Variants in WSCD1 observed in about 807,000 individuals in gnomAD.
WSCD1 encodes the protein WSC domain sialate O sulfotransferase 1, also known as sialate:O-sulfotransferase 1.
WSCD1 carries 41 observed loss-of-function variants against 60.4 expected under a neutral mutation model. The ratio of observed to expected loss-of-function variants is 0.68; its 90% CI spans 0.53 to 0.88. The LOEUF is 0.88. Ranked by LOEUF, WSCD1 falls within the 40% of genes least tolerant of loss-of-function variation. The pLI is 0.00. For missense variants in WSCD1, 784 were observed against 796.2 expected, an observed-to-expected ratio of 0.98 and a Z score of 0.18; for synonymous variants, 361 against 332.5, an observed-to-expected ratio of 1.09 and a Z score of -0.93.
chr17:6,080,343 A>G lies in WSCD1; in HGVS notation c.-288-28A>G, dbSNP rs1404297834. 5.1e-6 allele frequency: 2 copies of G among 395,952 alleles called. No homozygotes were observed. The highest frequency in any genetic ancestry group is 3.0e-5 in the South Asian group (1 of 33,514). The allele number at this position is 395,952 out of a possible 1,614,324, so 24.5% of individuals were successfully genotyped here. ...GCCAGGTAGTGGACCCGCCTATTAC[A>G]TCTCGGTGCTCTTTCTCCACCTTCC... On this transcript the variant is annotated intron_variant, in intron 1 of 8. Coordinates refer to ENST00000317744, the MANE Select transcript of WSCD1 (RefSeq NM_015253.2). The surrounding 1 kb of genome is among the most constrained non-coding windows in gnomAD (Gnocchi z 6.6).
At chr17:6,094,444 G>A (rs971995497) in intron 4 of WSCD1, among the ~76,000 whole-genome samples, 6 of 152,070 alleles carry the variant, frequency 3.9e-5, no homozygotes, top group Admixed American at 6.5e-5. Flanking sequence ...TGCATCTTCC[G>A]GTAGGACATT....
Position 6,120,424 on chromosome 17 carries a change from G to T in WSCD1, c.1491G>T (p.Leu497=). The T allele has an allele frequency of 1.2e-6, 2 of 1,614,108 alleles. No homozygotes were observed. The highest frequency in any genetic ancestry group is 2.2e-5 in the South Asian group (2 of 91,090). Residue 497 remains leucine, a synonymous_variant, in exon 9 of 9, where the codon CTG becomes CTT. Transcript: ENST00000317744. ...VVHYEELRRS[L]VPTLREMVAF... ...ACTACGAGGAGCTGCGGCGCAGCCTGGTGCCCACGTTACGGGAGATGGTGG... is the reference window on the plus strand; with the variant it reads ...ACTACGAGGAGCTGCGGCGCAGCCTTGTGCCCACGTTACGGGAGATGGTGG...
Position 6,110,662 on chromosome 17 carries a change from A to G in WSCD1, c.1010-109A>G. On this transcript the variant is annotated intron_variant, in intron 6 of 8. Coordinates refer to ENST00000317744, the MANE Select transcript of WSCD1 (RefSeq NM_015253.2). This position sits in a 1 kb window ranked among gnomAD's most constrained non-coding sequence, Gnocchi z 4.8. ...CCCTTCTTTGGGCCTTGGTTCCCCC[A>G]TCTATTAAATGGGAGTCTTCGTTCA... is the stretch of plus-strand genomic sequence containing the variant. The G allele has an allele frequency of 2.2e-6, 3 of 1,387,502 alleles. 1 individual carries two copies. In the South Asian group the frequency reaches 4.3e-5, roughly 20 times the overall value. 85.9% of individuals were successfully genotyped at this position (1,387,502 alleles called of 1,614,324 possible). A position where few individuals can be genotyped will look rare whatever the true frequency, so the allele number is the denominator to read the frequency against.
rs1230466794 is a variant in WSCD1 at position 6,090,323 on chromosome 17, C to G, written c.545C>G (p.Ser182Cys). The G allele has an allele frequency of 6.3e-7, 1 of 1,594,098 alleles. No individual in the cohort carries two copies. Among genetic ancestry groups the G allele is most frequent in the Non-Finnish European group, 8.5e-7 (1 of 1,171,442 alleles). ...SHCQDACAER[S>C]YVYAGLEAGA... is the part of the protein sequence containing the mutation. ...TCACCCAGGCCTCCTCCCTGCAGGTCCTATGTCTACGCCGGCTTGGAGGCC... is the reference window on the plus strand; with the variant it reads ...TCACCCAGGCCTCCTCCCTGCAGGTGCTATGTCTACGCCGGCTTGGAGGCC... The change falls in exon 4 of 9, where the codon TCC becomes TGC. Residue 182 changes from serine (S) to cysteine (C), a missense_variant and splice_region_variant. Transcript: ENST00000317744.
In WSCD1 at chr17:6,118,941, C is replaced by G. The variant is rs182068445; in HGVS notation, c.1375+753C>G. Among the ~76,000 whole-genome samples, 12 of 152,318 alleles carry G rather than the reference C, an allele frequency of 7.9e-5. No homozygotes were observed. Among genetic ancestry groups the G allele is most frequent in the Admixed American group, 7.8e-4 (12 of 15,302 alleles). Reference sequence around the variant, plus strand: ...CATTTATTTCTCATAGTCTTAGAGGCTGGGAAGTCCAAGATCAAAGTGCTG... The same window carrying G: ...CATTTATTTCTCATAGTCTTAGAGGGTGGGAAGTCCAAGATCAAAGTGCTG... On this transcript the variant is annotated intron_variant, in intron 8 of 8. Transcript: ENST00000317744. The surrounding 1 kb of genome is among the most constrained non-coding windows in gnomAD (Gnocchi z 5.8).
rs73347083 is a variant in WSCD1 at position 6,119,138 on chromosome 17, C to T, written c.1375+950C>T. 2.0e-5 allele frequency among the ~76,000 whole-genome samples: 3 copies of T among 152,186 alleles called. No homozygotes were observed. In the East Asian group the frequency reaches 5.8e-4, roughly 29 times the overall value. On this transcript the variant is annotated intron_variant, in intron 8 of 8. Coordinates refer to ENST00000317744, the MANE Select transcript of WSCD1 (RefSeq NM_015253.2). ...ATCTGACTCTAATCGCCTCCCAAAT[C>T]CCCCATCCCTAATACCATGATATGG...
intron 5 of WSCD1, among the ~76,000 whole-genome samples, chr17:6,106,402 A>G (rs573231686): frequency 7.9e-4 from 121 of 152,356 alleles, no homozygotes; most frequent in African/African-American, 2.7e-3. Context: ...GCATTCTTGG[A>G]TGGAATACTA....
intron 1 of WSCD1, among the ~76,000 whole-genome samples, chr17:6,076,403 A>C (rs11652621): frequency 0.19 from 28,955 of 152,124 alleles, 3,475 homozygotes; most frequent in Non-Finnish European, 0.27. Context: ...CAAGAGTGGG[A>C]TCCTGGGTGC....
In WSCD1 at chr17:6,101,746, C is replaced by T. The variant is rs1360055765; in HGVS notation, c.849+6523C>T. ...AGACCTGCTCATTCTCAGTCCCCTT[C>T]AGGATCCTATCGGCTCCTTTGTTTC... On this transcript the variant is annotated intron_variant, in intron 5 of 8. Coordinates refer to ENST00000317744, the MANE Select transcript of WSCD1 (RefSeq NM_015253.2). This position sits in a 1 kb window ranked among gnomAD's most constrained non-coding sequence, Gnocchi z 4.1. Among the ~76,000 whole-genome samples, 1 of 152,190 alleles carries T rather than the reference C, an allele frequency of 6.6e-6. No individual in the cohort carries two copies. The highest frequency in any genetic ancestry group is 1.5e-5 in the Non-Finnish European group (1 of 68,052).
At chr17:6,102,443 T>C (rs192279712) in intron 5 of WSCD1, among the ~76,000 whole-genome samples, 73 of 152,362 alleles carry the variant, frequency 4.8e-4, no homozygotes, top group Non-Finnish European at 9.0e-4. Context: ...CCAAGAGCTA[T>C]TGGATATGCT....
chr17:6,096,239 C>T, intron 5 of WSCD1, among the ~76,000 whole-genome samples: 1 of 152,146 alleles, frequency 6.6e-6, no homozygotes, highest in Non-Finnish European at 1.5e-5. Flanking sequence ...GGTCACACAG[C>T]CAGTAAGTGG....
At chr17:6,083,250 AT>A (rs1471157869) in intron 2 of WSCD1, among the ~76,000 whole-genome samples, 1 of 152,194 alleles carries the variant, frequency 6.6e-6, no homozygotes, top group South Asian at 2.1e-4. Flanking sequence ...ATTGCCACTT[AT>A]TGGGCATGTG....
At chr17:6,071,650 T>G (rs1908551538) in intron 1 of WSCD1, among the ~76,000 whole-genome samples, 1 of 152,254 alleles carries the variant, frequency 6.6e-6, no homozygotes, top group South Asian at 2.1e-4. Context: ...GGGGCCTTTC[T>G]TTTTTCCTCT....
chr17:6,118,334 G>A lies in WSCD1; in HGVS notation c.1375+146G>A, dbSNP rs1002524186. ...AGGCACTCAAACCCCATCCTGCTAG[G>A]GACTTAGTGCTGCTGTGCCTGGGCT... On this transcript the variant is annotated intron_variant, in intron 8 of 8. Coordinates refer to ENST00000317744, the MANE Select transcript of WSCD1 (RefSeq NM_015253.2). This position sits in a 1 kb window ranked among gnomAD's most constrained non-coding sequence, Gnocchi z 5.8. The A allele has an allele frequency of 2.3e-6, 2 of 875,178 alleles. No individual in the cohort carries two copies. Among genetic ancestry groups the A allele is most frequent in the Non-Finnish European group, 3.5e-6 (2 of 571,684 alleles). 54.2% of individuals were successfully genotyped at this position (875,178 alleles called of 1,614,324 possible). A position where few individuals can be genotyped will look rare whatever the true frequency, so the allele number is the denominator to read the frequency against.
Position 6,080,857 on chromosome 17 carries a change from C to G in WSCD1, c.199C>G (p.Leu67Val). 1 of 1,606,040 alleles carries G rather than the reference C, an allele frequency of 6.2e-7. No individual in the cohort carries two copies. The highest frequency in any genetic ancestry group is 8.5e-7 in the Non-Finnish European group (1 of 1,178,362). The change falls in exon 2 of 9, where the codon CTG becomes GTG. Residue 67 changes from leucine (L) to valine (V), a missense_variant. By Grantham distance (32) the Leu-to-Val change is conservative. Coordinates refer to ENST00000317744, the MANE Select transcript of WSCD1 (RefSeq NM_015253.2). The surrounding 1 kb of genome is among the most constrained non-coding windows in gnomAD (Gnocchi z 6.6). ...VAAVALGVGLLDSRALHDPRV... is the reference protein window; with the variant it reads ...VAAVALGVGLVDSRALHDPRV... Reference sequence around the variant, plus strand: ...CGCCGTGGCGCTGGGCGTGGGCTTGCTGGACAGCAGAGCCCTGCACGACCC... The same window carrying G: ...CGCCGTGGCGCTGGGCGTGGGCTTGGTGGACAGCAGAGCCCTGCACGACCC...
intron 5 of WSCD1, among the ~76,000 whole-genome samples, 163 bp downstream of exon 5, chr17:6,095,386 G>A (rs1030709530): frequency 6.6e-6 from 1 of 152,216 alleles, no homozygotes; most frequent in Non-Finnish European, 1.5e-5. Context: ...ACCACAGAGG[G>A]AGCCGGCAGG....
chr17:6,070,771 C>T (rs1407546339), intron 1 of WSCD1, 119 bp downstream of exon 1: 2 of 151,602 alleles, frequency 1.3e-5, no homozygotes, highest in African/African-American at 2.4e-5. Flanking sequence ...CGGGGCTGCA[C>T]CTGCTCCGGC....
In WSCD1 at chr17:6,106,112, A is replaced by G. The variant is rs566411034; in HGVS notation, c.850-3495A>G. Among the ~76,000 whole-genome samples, 12 of 152,364 alleles carry G rather than the reference A, an allele frequency of 7.9e-5. No individual in the cohort carries two copies. In the East Asian group the frequency reaches 2.1e-3, roughly 27 times the overall value. On this transcript the variant is annotated intron_variant, in intron 5 of 8. Coordinates refer to ENST00000317744, the MANE Select transcript of WSCD1 (RefSeq NM_015253.2). ...GTGCAAGGCACTTTTCTAGATTCTG[A>G]GAATATAACAAAGCACACAAAAAAC...
intron 1 of WSCD1, among the ~76,000 whole-genome samples, chr17:6,072,713 G>A (rs1280954463): frequency 2.6e-5 from 4 of 152,238 alleles, no homozygotes; most frequent in Non-Finnish European, 4.4e-5. Context: ...AATGAATGTG[G>A]CTTTCCGCTC....
Sources: gnomAD v4.1 joint callset for allele counts (sites outside exome capture counted in the v4.1 genomes callset) on GRCh38, gnomAD v4.1.1 for gene constraint, Gnocchi (gnomAD v3.1) non-coding constraint, MANE v1.5 for transcripts, NCBI Gene and HGNC (gene_info 2026-07-23, HGNC 2026-07-21) for gene names.